THSD7A: variants seen among roughly 807,000 people sequenced by gnomAD.
THSD7A encodes the protein thrombospondin type-1 domain-containing protein 7A.
Under a neutral mutation model 231.3 loss-of-function variants are expected in THSD7A, and 96 were observed. That is an observed-to-expected ratio of 0.41 (90% CI 0.35 to 0.49). THSD7A has a LOEUF of 0.49. Among genes scored for constraint, THSD7A ranks in the 20% least tolerant of loss-of-function variants. The pLI, the probability that THSD7A is intolerant of heterozygous loss-of-function variation, is 0.05. For synonymous variants in THSD7A, 940 were observed against 743.3 expected, an observed-to-expected ratio of 1.26 and a Z score of -4.30; for missense variants, 2,290 against 2,070.2, an observed-to-expected ratio of 1.11 and a Z score of -2.06.
intron 4 of THSD7A, among the ~76,000 whole-genome samples, chr7:11,552,561 G>A (rs1789675621): frequency 6.6e-6 from 1 of 151,900 alleles, no homozygotes; most frequent in Non-Finnish European, 1.5e-5. Flanking sequence ...AAATTACTTA[G>A]GCAGATAGTG....
intron 6 of THSD7A, among the ~76,000 whole-genome samples, chr7:11,539,692 C>T (rs1179315123): frequency 1.3e-5 from 2 of 152,204 alleles, no homozygotes; most frequent in Non-Finnish European, 2.9e-5. Context: ...TTTTAAATAG[C>T]TGGCTCCTTT....
Position 11,636,825 on chromosome 7 carries a change from C to A in THSD7A, c.327G>T (p.Gln109His). 1 of 1,613,940 alleles carries A rather than the reference C, an allele frequency of 6.2e-7. No homozygotes were observed. Among genetic ancestry groups the A allele is most frequent in the Non-Finnish European group, 8.5e-7 (1 of 1,179,896 alleles). Residue 109 changes from glutamine to histidine, a missense_variant, in exon 2 of 28, where the codon CAG becomes CAT. Coordinates refer to ENST00000423059, the MANE Select transcript of THSD7A (RefSeq NM_015204.3). This position sits in a 1 kb window ranked among gnomAD's most constrained non-coding sequence, Gnocchi z 10.0. Reference protein sequence around the residue: ...CKQAERPNNQQNCFKVCDWHK... With the variant: ...CKQAERPNNQHNCFKVCDWHK... ...GCCAATCGCAAACTTTGAAACAATT[C>A]TGCTGGTTATTGGGTCTCTCGGCCT... is the stretch of plus-strand genomic sequence containing the variant.
intron 4 of THSD7A, among the ~76,000 whole-genome samples, chr7:11,589,099 G>T (rs1584036699): frequency 6.6e-6 from 1 of 152,184 alleles, no homozygotes. Context: ...ATTTCTCTTG[G>T]TTCTTTACCT....
At chr7:11,710,762 C>A (rs1175455447) in intron 1 of THSD7A, among the ~76,000 whole-genome samples, 1 of 150,710 alleles carries the variant, frequency 6.6e-6, no homozygotes, top group Non-Finnish European at 1.5e-5. Flanking sequence ...GTTACATGCC[C>A]CTATTTACAG....
rs75944302 is a variant in THSD7A, at chr7:11,602,146, A to T, written c.1023-8644T>A. Among the ~76,000 whole-genome samples, 370 of 152,298 alleles carry T rather than the reference A, an allele frequency of 2.4e-3. 1 individual carries two copies. The highest frequency in any genetic ancestry group is 8.5e-3 in the African/African-American group (354 of 41,574). The stretch of plus-strand genomic sequence containing the variant: ...TTGCCCAAAGGAGAACTTAGGAATT[A>T]TGGAAAAGACAAACCAGATATATTT... On this transcript the variant is annotated intron_variant, in intron 2 of 27. Coordinates refer to ENST00000423059, the MANE Select transcript of THSD7A (RefSeq NM_015204.3).
intron 1 of THSD7A, among the ~76,000 whole-genome samples, chr7:11,687,423 GACAC>G (rs141896978): frequency 6.6e-6 from 1 of 151,430 alleles, no homozygotes; most frequent in Non-Finnish European, 1.5e-5. Context: ...AAATGAAACT[GACAC>G]ACACACACAC....
At chr7:11,493,725 G>T (rs1786989261) in intron 6 of THSD7A, among the ~76,000 whole-genome samples, 1 of 151,976 alleles carries the variant, frequency 6.6e-6, no homozygotes, top group Non-Finnish European at 1.5e-5. Context: ...TTCATCTCAT[G>T]CTCTGAGTTG....
In THSD7A at chr7:11,593,368, C is replaced by G. The variant is rs375660270; in HGVS notation, c.1157G>C (p.Arg386Pro). Residue 386 changes from arginine to proline, a missense_variant, in exon 3 of 28, where the codon CGT (arginine) becomes CCT (proline). Coordinates refer to ENST00000423059, the MANE Select transcript of THSD7A (RefSeq NM_015204.3). ...CTGCCTGATGGTTCGTGTCCTTACACGAGTGCCTGCAGGGGACACCATGTC... is the reference window on the plus strand; with the variant it reads ...CTGCCTGATGGTTCGTGTCCTTACAGGAGTGCCTGCAGGGGACACCATGTC... ...CHDMVSPAGT[R>P]VRTRTIRQFP... 6.2e-6 allele frequency: 10 copies of G among 1,614,000 alleles called. No homozygotes were observed. Among genetic ancestry groups the G allele is most frequent in the Non-Finnish European group, 8.5e-6 (10 of 1,179,896 alleles).
At chr7:11,425,243 T>G (rs925166110) in intron 15 of THSD7A, among the ~76,000 whole-genome samples, 1 of 152,180 alleles carries the variant, frequency 6.6e-6, no homozygotes, top group Non-Finnish European at 1.5e-5. Context: ...GGATGAGGAT[T>G]GATGAATCAA....
At chr7:11,815,311 T>A (rs1334906435) in intron 1 of THSD7A, among the ~76,000 whole-genome samples, 2 of 151,692 alleles carry the variant, frequency 1.3e-5, no homozygotes, top group Non-Finnish European at 2.9e-5. Context: ...TGCAGCAGGG[T>A]AAGGGAGTGG....
rs571442839 is a variant in THSD7A at position 11,643,499 on chromosome 7, A to G, written c.191-6538T>C. ...GCAATTAAAATATAAATTTATTTAA[A>G]ACGAAATTTTGGATTGTGCTACCAA... On this transcript the variant is annotated intron_variant, in intron 1 of 27. Transcript: ENST00000423059. Among the ~76,000 whole-genome samples, 39 of 152,182 alleles carry G rather than the reference A, an allele frequency of 2.6e-4. No individual in the cohort carries two copies. The South Asian group carries it at 7.1e-3, about 28-fold the overall frequency.
At chr7:11,626,387 T>C (rs1213700599) in intron 2 of THSD7A, among the ~76,000 whole-genome samples, 1 of 152,138 alleles carries the variant, frequency 6.6e-6, no homozygotes, top group Non-Finnish European at 1.5e-5. Context: ...ATTCCTTGAG[T>C]TGTATGCCTT....
chr7:11,714,119 T>A (rs955242500), intron 1 of THSD7A, among the ~76,000 whole-genome samples: 1 of 151,254 alleles, frequency 6.6e-6, no homozygotes, highest in Non-Finnish European at 1.5e-5. Context: ...AGGAAAACGA[T>A]GTTTTCAAGG....
chr7:11,730,940 C>T (rs1425679236), intron 1 of THSD7A, among the ~76,000 whole-genome samples: 1 of 151,602 alleles, frequency 6.6e-6, no homozygotes, highest in Non-Finnish European at 1.5e-5. Flanking sequence ...TTTCAGTTAG[C>T]TACTCTACTG....
At chr7:11,557,866 T>G (rs538175394) in intron 4 of THSD7A, among the ~76,000 whole-genome samples, 1 of 151,976 alleles carries the variant, frequency 6.6e-6, no homozygotes, top group Non-Finnish European at 1.5e-5. Flanking sequence ...CTAGTGGGAG[T>G]GTTGAGCGAC....
At chr7:11,744,899 G>A (rs1039044229) in intron 1 of THSD7A, among the ~76,000 whole-genome samples, 8 of 151,906 alleles carry the variant, frequency 5.3e-5, no homozygotes, top group Non-Finnish European at 1.0e-4. Context: ...GCCACAATAA[G>A]CACACATGTG....
chr7:11,528,286 A>T (rs1788561071), intron 6 of THSD7A, among the ~76,000 whole-genome samples: 1 of 152,208 alleles, frequency 6.6e-6, no homozygotes, highest in Admixed American at 6.5e-5. Context: ...TCAAATTTAT[A>T]TAGTGACTGC....
intron 1 of THSD7A, among the ~76,000 whole-genome samples, chr7:11,745,512 C>A (rs899317760): frequency 6.6e-6 from 1 of 151,982 alleles, no homozygotes; most frequent in African/African-American, 2.4e-5. Flanking sequence ...GAAATGAAGT[C>A]CTTGCCCATG....
rs983360476 is a variant in THSD7A at position 11,517,894 on chromosome 7, G to A, written c.1822+23525C>T. Among the ~76,000 whole-genome samples, 10 of 152,128 alleles carry A rather than the reference G, an allele frequency of 6.6e-5. No homozygotes were observed. In the East Asian group the frequency reaches 7.7e-4, roughly 12 times the overall value. On this transcript the variant is annotated intron_variant, in intron 6 of 27. Coordinates refer to ENST00000423059, the MANE Select transcript of THSD7A (RefSeq NM_015204.3). ...AGTATTCAAATTTACAAATCTTTCC[G>A]GACCACCCATGTGGAGAACACTGGG...
Sources: gnomAD v4.1 joint callset for allele counts (sites outside exome capture counted in the v4.1 genomes callset) on GRCh38, gnomAD v4.1.1 for gene constraint, Gnocchi (gnomAD v3.1) non-coding constraint, MANE v1.5 for transcripts, NCBI Gene and HGNC (gene_info 2026-07-23, HGNC 2026-07-21) for gene names.